Variants in UNC13C observed in about 807,000 individuals in gnomAD.
UNC13C encodes the protein unc-13 homolog C, also known as protein unc-13 homolog C.
A neutral mutation model predicts 245.4 loss-of-function variants in UNC13C; 174 were observed. The observed-to-expected ratio is 0.71, with a 90% CI of 0.63 to 0.80. The LOEUF is 0.80. Ranked by LOEUF, UNC13C falls within the 30% of genes least tolerant of loss-of-function variation. The probability of loss-of-function intolerance (pLI) is 0.00; values close to 1 mark genes in which losing one functional copy is unlikely to be tolerated. For synonymous variants in UNC13C, 992 were observed against 895.1 expected, an observed-to-expected ratio of 1.11 and a Z score of -1.93; for missense variants, 2,829 against 2,602.9, an observed-to-expected ratio of 1.09 and a Z score of -1.89.
intron 4 of UNC13C, among the ~76,000 whole-genome samples, chr15:54,178,883 C>G (rs2033704004): frequency 6.6e-6 from 1 of 152,076 alleles, no homozygotes; most frequent in Non-Finnish European, 1.5e-5. Flanking sequence ...ACAGGCCTGC[C>G]TCAAACACAT....
the UNC13C span, among the ~76,000 whole-genome samples, chr15:53,867,001 G>T: frequency 6.6e-6 from 1 of 152,208 alleles, no homozygotes; most frequent in African/African-American, 2.4e-5. Context: ...CAAAGTATAT[G>T]ATAGTTGCTA....
chr15:54,456,600 T>A (rs1438935633), intron 19 of UNC13C, among the ~76,000 whole-genome samples: 1 of 146,354 alleles, frequency 6.8e-6, no homozygotes, highest in African/African-American at 2.5e-5. Context: ...TTTTATTTAT[T>A]TATTTATTTA....
intron 4 of UNC13C, among the ~76,000 whole-genome samples, chr15:54,148,190 A>G (rs1297866324): frequency 3.3e-5 from 5 of 152,154 alleles, no homozygotes; most frequent in Non-Finnish European, 5.9e-5. Context: ...AGAAGCTTCT[A>G]TTTTGACCTC....
At chr15:54,506,359 AACAGT>A (rs1238825505) in intron 22 of UNC13C, among the ~76,000 whole-genome samples, 1 of 152,174 alleles carries the variant, frequency 6.6e-6, no homozygotes, top group Non-Finnish European at 1.5e-5. Flanking sequence ...AAAGTAATTG[AACAGT>A]ATGTCTAAAG....
At position 54,143,030 on chromosome 15, in the gene UNC13C, T is replaced by C; in HGVS notation, c.2996T>C (p.Val999Ala). Residue 999 changes from valine to alanine, a missense_variant, in exon 3 of 33, where the codon GTG (valine) becomes GCG (alanine). Val to Ala is a moderately conservative substitution (Grantham distance 64). Transcript: ENST00000260323. ...EKILAGDSSS[V>A]DEKARIVSGN... The stretch of plus-strand genomic sequence containing the variant: ...GATTCTCTTTCAGATAGCAGTTCTG[T>C]GGATGAAAAGGTTTTAAATCATACT... 1 of 1,611,888 alleles carries C rather than the reference T, an allele frequency of 6.2e-7. No homozygotes were observed. The highest frequency in any genetic ancestry group is 8.5e-7 in the Non-Finnish European group (1 of 1,179,112).
intron 24 of UNC13C, among the ~76,000 whole-genome samples, chr15:54,516,042 C>G (rs1483912149): frequency 6.6e-6 from 1 of 152,106 alleles, no homozygotes; most frequent in Non-Finnish European, 1.5e-5. Flanking sequence ...ATCTATGTCG[C>G]TTTTAATTTT....
intron 22 of UNC13C, among the ~76,000 whole-genome samples, chr15:54,502,220 C>G (rs1041396149): frequency 6.6e-6 from 1 of 152,042 alleles, no homozygotes; most frequent in African/African-American, 2.4e-5. Flanking sequence ...CATGAATAAG[C>G]ATAATCTGTG....
intron 2 of UNC13C, among the ~76,000 whole-genome samples, chr15:54,096,963 A>G (rs572243675): frequency 6.6e-6 from 1 of 152,338 alleles, no homozygotes; most frequent in East Asian, 1.9e-4. Flanking sequence ...TACTATTTGA[A>G]TGCAATTCTC....
chr15:54,174,939 G>A (rs1390189725), intron 4 of UNC13C, among the ~76,000 whole-genome samples: 3 of 152,142 alleles, frequency 2.0e-5, no homozygotes, highest in African/African-American at 7.2e-5. Context: ...CCTCACATGA[G>A]ATTAAATTTT....
At chr15:54,597,838 A>C (rs1042096798) in intron 30 of UNC13C, among the ~76,000 whole-genome samples, 2 of 152,214 alleles carry the variant, frequency 1.3e-5, no homozygotes, top group Admixed American at 1.3e-4. Context: ...CTAATAATAT[A>C]AACAATTTTC....
the UNC13C span, among the ~76,000 whole-genome samples, chr15:53,863,561 A>C: frequency 6.6e-6 from 1 of 152,194 alleles, no homozygotes. Context: ...TATAATGAAA[A>C]AGTGGAATCC....
chr15:54,296,981 A>G (rs2037452998), intron 11 of UNC13C, among the ~76,000 whole-genome samples: 1 of 152,224 alleles, frequency 6.6e-6, no homozygotes, highest in African/African-American at 2.4e-5. Flanking sequence ...ATTCAAATAA[A>G]CAGTCCAGCA....
intron 2 of UNC13C, among the ~76,000 whole-genome samples, chr15:54,106,654 C>T (rs1900463125): frequency 6.6e-6 from 1 of 152,150 alleles, no homozygotes; most frequent in South Asian, 2.1e-4. Flanking sequence ...CTTATCATTT[C>T]CCCCACCAAA....
At chr15:53,981,509 C>CA (rs1459459999) in intron 1 of UNC13C, among the ~76,000 whole-genome samples, 2 of 152,076 alleles carry the variant, frequency 1.3e-5, no homozygotes, top group Non-Finnish European at 2.9e-5. Context: ...ATAACTGTAG[C>CA]AAAAAATTGC....
chr15:53,888,774 C>T, the UNC13C span, among the ~76,000 whole-genome samples: 2 of 152,122 alleles, frequency 1.3e-5, no homozygotes, highest in African/African-American at 4.8e-5. Context: ...GTATGGCTAG[C>T]CAGTTTTCCC....
chr15:54,261,091 C>G (rs2036412241), intron 8 of UNC13C, among the ~76,000 whole-genome samples: 1 of 152,052 alleles, frequency 6.6e-6, no homozygotes, highest in African/African-American at 2.4e-5. Context: ...ATCAATGATG[C>G]ATTTCATTTG....
intron 23 of UNC13C, among the ~76,000 whole-genome samples, chr15:54,508,407 CTA>C (rs1278204072): frequency 6.6e-6 from 1 of 151,994 alleles, no homozygotes; most frequent in Non-Finnish European, 1.5e-5. Flanking sequence ...TATTAACATT[CTA>C]TATTATATTT....
At chr15:53,927,116 A>G in the UNC13C span, among the ~76,000 whole-genome samples, 2 of 152,362 alleles carry the variant, frequency 1.3e-5, no homozygotes, top group Admixed American at 6.5e-5. Flanking sequence ...ACCACCAGGC[A>G]AAGTAGATAC....
At chr15:54,506,662 C>T (rs1894489653) in intron 22 of UNC13C, among the ~76,000 whole-genome samples, 1 of 152,086 alleles carries the variant, frequency 6.6e-6, no homozygotes. Flanking sequence ...TTCAGCTTAA[C>T]TCTTTGGAGT....
Sources: allele counts gnomAD v4.1 joint callset (sites outside exome capture counted in the v4.1 genomes callset), GRCh38; gene constraint gnomAD v4.1.1; transcripts MANE v1.5; gene names NCBI Gene and HGNC (gene_info 2026-07-23, HGNC 2026-07-21).